Variants in STPG1 observed in about 807,000 individuals in gnomAD.
The protein encoded by STPG1 is sperm tail PG-rich repeat containing 1.
A neutral mutation model predicts 40.1 loss-of-function variants in STPG1; 33 were observed. The observed-to-expected ratio is 0.82, with a 90% CI of 0.62 to 1.10. The LOEUF (loss-of-function observed/expected upper bound fraction) is 1.10. Ranked by LOEUF, STPG1 falls within the 50% of genes least tolerant of loss-of-function variation. The probability of loss-of-function intolerance (pLI) is 0.00; values close to 1 mark genes in which losing one functional copy is unlikely to be tolerated. For synonymous variants in STPG1, 150 were observed against 155.0 expected, an observed-to-expected ratio of 0.97 and a Z score of 0.24; for missense variants, 396 against 415.1, an observed-to-expected ratio of 0.95 and a Z score of 0.40.
chr1:24,368,149 T>G (rs1641562564), intron 7 of STPG1, among the ~76,000 whole-genome samples: 1 of 152,180 alleles, frequency 6.6e-6, no homozygotes, highest in African/African-American at 2.4e-5. Flanking sequence ...AAGGCCAGCC[T>G]GCAGAGCCCT....
intron 3 of STPG1, among the ~76,000 whole-genome samples, chr1:24,386,982 G>A (rs12089169): frequency 0.16 from 24,983 of 152,080 alleles, 2,717 homozygotes; most frequent in African/African-American, 0.31. Flanking sequence ...GTGGAACAGC[G>A]CCGATGCGGC....
At chr1:24,385,202 T>C (rs1250311764) in intron 3 of STPG1, among the ~76,000 whole-genome samples, 6 of 152,202 alleles carry the variant, frequency 3.9e-5, no homozygotes, top group Admixed American at 2.0e-4. Context: ...TGTGTAATTA[T>C]GGTTTCATAT....
At position 24,383,989 on chromosome 1, in the gene STPG1, T is replaced by G; in HGVS notation, c.204A>C (p.Gly68=). 1 of 1,610,990 alleles carries G rather than the reference T, an allele frequency of 6.2e-7. No individual in the cohort carries two copies. The highest frequency in any genetic ancestry group is 8.5e-7 in the Non-Finnish European group (1 of 1,177,114). The part of the protein sequence containing the change: ...RFPHKKNDIP[G]PGFYNVIHQS... The stretch of plus-strand genomic sequence containing the variant: ...GGTGAATAACATTGTAGAACCCAGG[T>G]CCTGGGATATCATTCTGAAAGGGAA... Residue 68 remains glycine, a synonymous_variant, in exon 4 of 9, where the codon GGA becomes GGC. Transcript: ENST00000337248.
At chr1:24,379,480 G>C (rs1000451442) in intron 5 of STPG1, 173 bp downstream of exon 5, 1 of 669,442 alleles carries the variant, frequency 1.5e-6, no homozygotes, top group East Asian at 2.8e-5. Context: ...TCTGGGGTCT[G>C]CAAATTCCCT....
At chr1:24,380,357 T>G (rs991790598) in intron 4 of STPG1, among the ~76,000 whole-genome samples, 2 of 152,194 alleles carry the variant, frequency 1.3e-5, no homozygotes, top group African/African-American at 4.8e-5. Context: ...TTTCACGGTT[T>G]AACAGAACCA....
intron 2 of STPG1, 127 bp from the exon 3 acceptor site, chr1:24,391,806 G>A: frequency 6.5e-6 from 8 of 1,226,076 alleles, no homozygotes; most frequent in South Asian, 6.2e-5. Context: ...CCTTTTGACA[G>A]GAAACAGACA....
chr1:24,388,985 G>A (rs2148703398), intron 3 of STPG1, among the ~76,000 whole-genome samples: 1 of 152,296 alleles, frequency 6.6e-6, no homozygotes, highest in South Asian at 2.1e-4. Flanking sequence ...CTGATTGATG[G>A]ATCCCCTGCC....
At chr1:24,391,335 C>T (rs1447203512) in intron 3 of STPG1, 5 of 346,796 alleles carry the variant, frequency 1.4e-5, no homozygotes, top group East Asian at 9.1e-5. Flanking sequence ...ATATTTTTGG[C>T]GCCATAAATC....
At chr1:24,373,097 G>T (rs1641830402) in intron 6 of STPG1, among the ~76,000 whole-genome samples, 1 of 152,150 alleles carries the variant, frequency 6.6e-6, no homozygotes, top group Admixed American at 6.5e-5. Context: ...TTTACTGGCT[G>T]TGTGACACTG....
chr1:24,387,306 C>T (rs145292558), intron 3 of STPG1, among the ~76,000 whole-genome samples: 24 of 152,140 alleles, frequency 1.6e-4, no homozygotes, highest in African/African-American at 4.1e-4. Context: ...GATGTGTGGT[C>T]GTGACTCCAT....
chr1:24,373,659 C>T, intron 6 of STPG1, 43 bp downstream of exon 6: 2 of 1,344,836 alleles, frequency 1.5e-6, no homozygotes, highest in Non-Finnish European at 2.1e-6. Context: ...AAATCTGGGA[C>T]ACTTAACCCT....
At chr1:24,391,840 T>G (rs1642786161) in intron 2 of STPG1, 161 bp from the exon 3 acceptor site, 1 of 1,313,652 alleles carries the variant, frequency 7.6e-7, no homozygotes, top group Admixed American at 3.5e-5. Flanking sequence ...AAAAAAAAAT[T>G]CCCCACTTTC....
In STPG1 at chr1:24,360,937, C is replaced by G. The variant is rs747319327; in HGVS notation, c.842G>C (p.Arg281Pro). 6.2e-7 allele frequency: 1 copy of G among 1,613,956 alleles called. No individual in the cohort carries two copies. The highest frequency in any genetic ancestry group is 1.1e-5 in the South Asian group (1 of 90,986). ...TGATGCACTAGAGATGAAATGCTTG[C>G]GGGGGCCTAAGTAGTCCACGATCTC... ...QYEIVDYLGP[R>P]KHFISSASFV... The change falls in exon 8 of 9, where the codon CGC becomes CCC. Residue 281 changes from arginine (R) to proline (P), a missense_variant. Physicochemically the swap from Arg to Pro is moderately radical, Grantham distance 103. Coordinates refer to ENST00000337248, the MANE Select transcript of STPG1 (RefSeq NM_001199013.2).
chr1:24,379,077 G>A (rs3765427), intron 5 of STPG1, among the ~76,000 whole-genome samples: 59,846 of 151,992 alleles, frequency 0.39, 12,067 homozygotes, highest in African/African-American at 0.47. Context: ...TTACAGATCA[G>A]TAAACTAAGC....
At chr1:24,394,579 C>T (rs1475131080) in intron 2 of STPG1, among the ~76,000 whole-genome samples, 1 of 152,086 alleles carries the variant, frequency 6.6e-6, no homozygotes, top group African/African-American at 2.4e-5. Context: ...AACTGTATTT[C>T]ATATGTTCAA....
At chr1:24,377,959 T>A (rs746736670) in intron 5 of STPG1, among the ~76,000 whole-genome samples, 2 of 152,218 alleles carry the variant, frequency 1.3e-5, no homozygotes, top group Non-Finnish European at 2.9e-5. Flanking sequence ...GTATTAAATA[T>A]GATTAATACA....
At chr1:24,365,448 G>C (rs1242432764) in intron 7 of STPG1, among the ~76,000 whole-genome samples, 1 of 152,214 alleles carries the variant, frequency 6.6e-6, no homozygotes, top group African/African-American at 2.4e-5. Context: ...GAAGACCTCA[G>C]AAGCGAAACC....
intron 4 of STPG1, among the ~76,000 whole-genome samples, chr1:24,381,550 T>C (rs1642284870): frequency 6.6e-6 from 1 of 152,208 alleles, no homozygotes. Flanking sequence ...CATACACTTC[T>C]CCTAGTCAGT....
intron 2 of STPG1, 199 bp downstream of exon 2, chr1:24,401,117 CCTT>C (rs748345033): frequency 2.2e-6 from 1 of 457,324 alleles, no homozygotes; most frequent in Non-Finnish European, 3.9e-6. Flanking sequence ...CAGACTTCCT[CCTT>C]CTTCTCTCAT....
Sources: gnomAD v4.1 joint callset for allele counts (sites outside exome capture counted in the v4.1 genomes callset) on GRCh38, gnomAD v4.1.1 for gene constraint, MANE v1.5 for transcripts, NCBI Gene and HGNC (gene_info 2026-07-23, HGNC 2026-07-21) for gene names.